Variants in BCAS3 observed in about 807,000 individuals in gnomAD.
The protein encoded by BCAS3 is BCAS3 microtubule associated cell migration factor.
A neutral mutation model predicts 116.1 loss-of-function variants in BCAS3; 53 were observed. The observed-to-expected ratio is 0.46, with a 90% CI of 0.37 to 0.57. BCAS3 has a LOEUF of 0.57. Ranked by LOEUF, BCAS3 falls within the 20% of genes least tolerant of loss-of-function variation. BCAS3 has a pLI of 0.00. For missense variants in BCAS3, 917 were observed against 1,165.4 expected (o/e 0.79, Z 3.10); for synonymous variants, 391 against 408.2 (o/e 0.96, Z 0.51).
intron 7 of BCAS3, among the ~76,000 whole-genome samples, chr17:60,850,650 C>T (rs766031200): frequency 2.0e-5 from 3 of 152,096 alleles, no homozygotes; most frequent in Non-Finnish European, 2.9e-5. Context: ...TGAGCCACTG[C>T]GCCCGGCCAA....
At chr17:61,231,486 A>T (rs1338905490) in intron 22 of BCAS3, among the ~76,000 whole-genome samples, 1 of 152,190 alleles carries the variant, frequency 6.6e-6, no homozygotes, top group Admixed American at 6.5e-5. Context: ...CATACCATGA[A>T]GTACAAAGCT....
intron 14 of BCAS3, among the ~76,000 whole-genome samples, chr17:60,970,312 G>A (rs1023619596): frequency 6.6e-6 from 1 of 151,820 alleles, no homozygotes; most frequent in Admixed American, 6.6e-5. Flanking sequence ...TAATACAAAA[G>A]ACAGGAAAGG....
At position 60,962,134 on chromosome 17, in the gene BCAS3, T is replaced by C. The variant is rs1209153992; in HGVS notation, c.1221+14782T>C. 6.6e-6 allele frequency among the ~76,000 whole-genome samples: 1 copy of C among 152,228 alleles called. No individual in the cohort carries two copies. The highest frequency in any genetic ancestry group is 1.5e-5 in the Non-Finnish European group (1 of 68,038). ...ATATTTTGGCTATTGTGAACAGTGC[T>C]GCAATAAACATGGAAGTACAGATAT... is the stretch of plus-strand genomic sequence containing the variant. On this transcript the variant is annotated intron_variant, in intron 14 of 23. Coordinates refer to ENST00000407086, the MANE Select transcript of BCAS3 (RefSeq NM_017679.5). This position sits in a 1 kb window ranked among gnomAD's most constrained non-coding sequence, Gnocchi z 4.4.
chr17:61,125,355 T>TCC (rs1224825023), intron 22 of BCAS3, among the ~76,000 whole-genome samples: 1 of 152,208 alleles, frequency 6.6e-6, no homozygotes, highest in Non-Finnish European at 1.5e-5. Flanking sequence ...TTATTCTGTG[T>TCC]CCTTTCTTAT....
At chr17:61,331,554 A>G (rs1475466540) in intron 22 of BCAS3, among the ~76,000 whole-genome samples, 1 of 152,160 alleles carries the variant, frequency 6.6e-6, no homozygotes, top group Non-Finnish European at 1.5e-5. Context: ...GCACTTTGGG[A>G]GGCTGAAGTG....
intron 22 of BCAS3, among the ~76,000 whole-genome samples, chr17:61,329,764 G>A (rs1483862448): frequency 6.7e-6 from 1 of 149,676 alleles, no homozygotes; most frequent in African/African-American, 2.4e-5. Context: ...AGGAAAAGGG[G>A]TTCCATCCTA....
At chr17:61,108,260 G>C (rs1264587725) in intron 22 of BCAS3, among the ~76,000 whole-genome samples, 1 of 151,990 alleles carries the variant, frequency 6.6e-6, no homozygotes. Flanking sequence ...ACTTTTACGT[G>C]ATATATCTTT....
chr17:60,780,541 G>T (rs1419978514), intron 6 of BCAS3, among the ~76,000 whole-genome samples: 1 of 151,734 alleles, frequency 6.6e-6, no homozygotes, highest in Non-Finnish European at 1.5e-5. Context: ...GACCTCAAGT[G>T]ATCCACCTGC....
rs983464351 is a variant in BCAS3, at chr17:61,087,381, T to C, written c.2425+2817T>C. The C allele has an allele frequency of 5.2e-6, 1 of 190,902 alleles. No homozygotes were observed. Among genetic ancestry groups the C allele is most frequent in the African/African-American group, 2.4e-5 (1 of 42,140 alleles). 11.8% of individuals were successfully genotyped at this position (190,902 alleles called of 1,614,324 possible). A position where few individuals can be genotyped will look rare whatever the true frequency, so the allele number is the denominator to read the frequency against. ...TCTATTTTAGTGACAGCTCTTGCTC[T>C]GTCTAACCTTGTGGCAGTATAATTG... is the stretch of plus-strand genomic sequence containing the variant. On this transcript the variant is annotated intron_variant, in intron 22 of 23. Transcript: ENST00000407086. This position sits in a 1 kb window ranked among gnomAD's most constrained non-coding sequence, Gnocchi z 4.6.
At chr17:61,234,677 GGACCTATA>G (rs2082887511) in intron 22 of BCAS3, among the ~76,000 whole-genome samples, 1 of 151,426 alleles carries the variant, frequency 6.6e-6, no homozygotes, top group African/African-American at 2.4e-5. Flanking sequence ...ACCAACCCAT[GGACCTATA>G]GCTAGTCATT....
intron 22 of BCAS3, among the ~76,000 whole-genome samples, chr17:61,250,423 A>G (rs1334371055): frequency 6.6e-6 from 1 of 152,204 alleles, no homozygotes; most frequent in Non-Finnish European, 1.5e-5. Context: ...AAGAGGACCC[A>G]GAGAAGGCTT....
In BCAS3 at chr17:61,333,871, C is replaced by T. The variant is rs535832807; in HGVS notation, c.2426-34456C>T. Among the ~76,000 whole-genome samples, 4 of 152,248 alleles carry T rather than the reference C, an allele frequency of 2.6e-5. No individual in the cohort carries two copies. Among genetic ancestry groups the T allele is most frequent in the South Asian group, 4.1e-4 (2 of 4,826 alleles). On this transcript the variant is annotated intron_variant, in intron 22 of 23. Coordinates refer to ENST00000407086, the MANE Select transcript of BCAS3 (RefSeq NM_017679.5). The surrounding 1 kb of genome is among the most constrained non-coding windows in gnomAD (Gnocchi z 4.8). Reference sequence around the variant, plus strand: ...CTTACCTCAAGTGATCCGCCCATCTCGGCCTCCCAAAGTGCTGGGATTACA... The same window carrying T: ...CTTACCTCAAGTGATCCGCCCATCTTGGCCTCCCAAAGTGCTGGGATTACA...
intron 22 of BCAS3, among the ~76,000 whole-genome samples, chr17:61,240,131 G>A (rs2047383549): frequency 6.6e-6 from 1 of 152,202 alleles, no homozygotes; most frequent in African/African-American, 2.4e-5. Context: ...AGCAGCAGGA[G>A]GAGGAGCTAC....
At chr17:60,754,923 G>C (rs1175269083) in intron 6 of BCAS3, among the ~76,000 whole-genome samples, 2 of 152,048 alleles carry the variant, frequency 1.3e-5, no homozygotes, top group African/African-American at 4.8e-5. Flanking sequence ...AGTTTGCCTT[G>C]TGTATTTTTA....
rs563116100 is a variant in BCAS3, at chr17:61,299,274, T to G, written c.2426-69053T>G. 7.9e-5 allele frequency among the ~76,000 whole-genome samples: 12 copies of G among 151,554 alleles called. No homozygotes were observed. The East Asian group carries it at 2.4e-3, about 30-fold the overall frequency. On this transcript the variant is annotated intron_variant, in intron 22 of 23. Transcript: ENST00000407086. ...CTGGTTAACACGGTGAAACTCTGTC[T>G]CTACTAAAAATACAAAAAATTAGCC... is the stretch of plus-strand genomic sequence containing the variant.
intron 22 of BCAS3, among the ~76,000 whole-genome samples, chr17:61,277,627 A>AGAATATATAG (rs1404072390): frequency 6.6e-6 from 1 of 152,204 alleles, no homozygotes; most frequent in African/African-American, 2.4e-5. Context: ...AGAATATATA[A>AGAATATATAG]GAACTACTAC....
chr17:61,038,092 A>G (rs952409697), intron 18 of BCAS3, 38 bp downstream of exon 18: 2 of 1,570,728 alleles, frequency 1.3e-6, no homozygotes, highest in Non-Finnish European at 1.7e-6. Flanking sequence ...TAACAGCTTC[A>G]TTAAGGTATA....
intron 7 of BCAS3, among the ~76,000 whole-genome samples, chr17:60,841,823 T>G (rs2051959028): frequency 6.6e-6 from 1 of 152,070 alleles, no homozygotes; most frequent in African/African-American, 2.4e-5. Flanking sequence ...AGGGCAGTTC[T>G]TAAGGGCTGT....
chr17:61,217,078 G>A lies in BCAS3; in HGVS notation c.2425+132514G>A, dbSNP rs922053114. ...GGGTGGATCACGAGGTCAGGAGATCGAGACCATCCTGGCTAACACGGTGAA... is the reference window on the plus strand; with the variant it reads ...GGGTGGATCACGAGGTCAGGAGATCAAGACCATCCTGGCTAACACGGTGAA... On this transcript the variant is annotated intron_variant, in intron 22 of 23. Transcript: ENST00000407086. The surrounding 1 kb of genome is among the most constrained non-coding windows in gnomAD (Gnocchi z 5.2). Among the ~76,000 whole-genome samples the A allele has an allele frequency of 2.6e-5, 4 of 151,270 alleles. No individual in the cohort carries two copies. Among genetic ancestry groups the A allele is most frequent in the Non-Finnish European group, 4.4e-5 (3 of 67,850 alleles).
Sources: gnomAD v4.1 joint callset for allele counts (sites outside exome capture counted in the v4.1 genomes callset) on GRCh38, gnomAD v4.1.1 for gene constraint, Gnocchi (gnomAD v3.1) non-coding constraint, MANE v1.5 for transcripts, NCBI Gene and HGNC (gene_info 2026-07-23, HGNC 2026-07-21) for gene names.